The following TXNDC8 variants were observed in gnomAD, a reference collection of about 807,000 sequenced individuals.
The protein encoded by TXNDC8 is thioredoxin domain containing 8.
TXNDC8 carries 15 observed loss-of-function variants against 12.9 expected under a neutral mutation model. The observed-to-expected ratio is 1.16, with a 90% CI of 0.78 to 1.79. The LOEUF (loss-of-function observed/expected upper bound fraction) is 1.79, where lower values mean the gene tolerates loss of function less well. TXNDC8 is among the 40% of genes most tolerant of loss of function. The pLI, the probability that TXNDC8 is intolerant of heterozygous loss-of-function variation, is 0.00. For missense variants in TXNDC8, 128 were observed against 113.2 expected (o/e 1.13, Z -0.59); for synonymous variants, 40 against 35.4 (o/e 1.13, Z -0.46).
intron 3 of TXNDC8, chr9:110,324,060 A>C: frequency 6.5e-7 from 1 of 1,533,536 alleles, no homozygotes; most frequent in Admixed American, 2.0e-5. Flanking sequence ...GGAAAATCAG[A>C]GTACTATTAA....
chr9:110,308,636 C>T (rs761194541), intron 3 of TXNDC8, among the ~76,000 whole-genome samples: 7 of 151,982 alleles, frequency 4.6e-5, no homozygotes, highest in African/African-American at 9.7e-5. Context: ...AACAGAAAAC[C>T]ATGCACTTGG....
intron 3 of TXNDC8, among the ~76,000 whole-genome samples, chr9:110,313,322 A>G (rs1263527468): frequency 6.6e-6 from 1 of 152,222 alleles, no homozygotes; most frequent in East Asian, 1.9e-4. Context: ...AACTGAAGCT[A>G]GACAATTTAA....
chr9:110,334,066 G>A (rs150460959), intron 2 of TXNDC8, 150 bp downstream of exon 2: 465 of 561,314 alleles, frequency 8.3e-4, no homozygotes, highest in East Asian at 4.7e-3. Context: ...ATTAGATCTC[G>A]GTATATTATC....
At chr9:110,316,671 C>T (rs915575512) in intron 3 of TXNDC8, among the ~76,000 whole-genome samples, 1 of 152,160 alleles carries the variant, frequency 6.6e-6, no homozygotes, top group Non-Finnish European at 1.5e-5. Flanking sequence ...TCTAATAGTG[C>T]GATACCAGCA....
At chr9:110,317,555 C>T (rs1587967715) in intron 3 of TXNDC8, among the ~76,000 whole-genome samples, 1 of 152,334 alleles carries the variant, frequency 6.6e-6, no homozygotes, top group African/African-American at 2.4e-5. Flanking sequence ...ATACTATAGC[C>T]TCACTTTTGG....
downstream of TXNDC8, among the ~76,000 whole-genome samples, chr9:110,303,019 A>G (rs1255373052): frequency 6.6e-6 from 1 of 152,092 alleles, no homozygotes; most frequent in Non-Finnish European, 1.5e-5. Context: ...AGCCGAGATC[A>G]TGCCACTGCA....
intron 3 of TXNDC8, among the ~76,000 whole-genome samples, chr9:110,305,708 CTTCTTTTTCT>C (rs1210831645): frequency 7.4e-6 from 1 of 135,432 alleles, no homozygotes; most frequent in African/African-American, 2.7e-5. Context: ...TATATCTTTC[CTTCTTTTTCT>C]TTCTTTCTTT....
chr9:110,332,187 G>A (rs1839573396), intron 2 of TXNDC8, among the ~76,000 whole-genome samples: 1 of 152,152 alleles, frequency 6.6e-6, no homozygotes. Context: ...GGTAGGACCT[G>A]TCAGAAACTA....
intron 3 of TXNDC8, among the ~76,000 whole-genome samples, chr9:110,304,737 G>A (rs1244973508): frequency 1.3e-5 from 2 of 152,156 alleles, no homozygotes; most frequent in Non-Finnish European, 2.9e-5. Context: ...CAAAATCTGA[G>A]GTCAGAACTC....
intron 1 of TXNDC8, among the ~76,000 whole-genome samples, chr9:110,336,770 G>T (rs1383239019): frequency 2.6e-5 from 4 of 152,080 alleles, no homozygotes; most frequent in Non-Finnish European, 4.4e-5. Flanking sequence ...AAAATAAAAA[G>T]AAAATGAAGT....
chr9:110,307,968 T>C (rs1838525282), intron 3 of TXNDC8, among the ~76,000 whole-genome samples: 1 of 152,180 alleles, frequency 6.6e-6, no homozygotes, highest in African/African-American at 2.4e-5. Flanking sequence ...AAATAAACTT[T>C]CTAAATTAAC....
intron 2 of TXNDC8, among the ~76,000 whole-genome samples, chr9:110,332,624 T>C (rs1839588024): frequency 6.6e-6 from 1 of 152,112 alleles, no homozygotes; most frequent in South Asian, 2.1e-4. Context: ...CATAAAAACA[T>C]GTAAAGTTTT....
At chr9:110,304,717 TG>T (rs1358400624) in intron 3 of TXNDC8, among the ~76,000 whole-genome samples, 185 bp from the exon 5 acceptor site, 1 of 152,190 alleles carries the variant, frequency 6.6e-6, no homozygotes, top group African/African-American at 2.4e-5. Flanking sequence ...GGGAGGTTCA[TG>T]ATCCTCTGCA....
At chr9:110,327,329 T>A (rs1178405030) in intron 2 of TXNDC8, among the ~76,000 whole-genome samples, 4 of 151,710 alleles carry the variant, frequency 2.6e-5, no homozygotes, top group African/African-American at 9.7e-5. Context: ...ACTATATATT[T>A]TTTTTTTTTT....
rs906937177 is a variant in TXNDC8 at position 110,323,594 on chromosome 9, G to T, written c.195+2581C>A. 1.5e-5 allele frequency: 4 copies of T among 260,912 alleles called. No individual in the cohort carries two copies. The Admixed American group carries it at 2.2e-4, about 14-fold the overall frequency. The allele number at this position is 260,912 out of a possible 1,614,324, so 16.2% of individuals were successfully genotyped here. A position where few individuals can be genotyped will look rare whatever the true frequency, so the allele number is the denominator to read the frequency against. Reference sequence around the variant, plus strand: ...TTACACCATGAAATGAAGGAGAGTAGCCTGGGAGAACACCAGATATGTTCA... The same window carrying T: ...TTACACCATGAAATGAAGGAGAGTATCCTGGGAGAACACCAGATATGTTCA... On this transcript the variant is annotated intron_variant, in intron 3 of 4. Coordinates refer to ENST00000423740, the MANE Select transcript of TXNDC8 (RefSeq NM_001286946.2).
intron 1 of TXNDC8, among the ~76,000 whole-genome samples, chr9:110,336,427 A>G (rs928325309): frequency 2.6e-5 from 4 of 152,156 alleles, no homozygotes; most frequent in African/African-American, 9.7e-5. Flanking sequence ...TGTAAGGTAG[A>G]TGCTATCCTC....
intron 3 of TXNDC8, 145 bp downstream of exon 4, chr9:110,326,030 A>G: frequency 1.3e-6 from 1 of 779,922 alleles, no homozygotes; most frequent in Non-Finnish European, 2.1e-6. Context: ...TGTAAAGTAC[A>G]ACATACTTGT....
intron 2 of TXNDC8, 90 bp downstream of exon 3, chr9:110,329,142 G>T: frequency 1.9e-6 from 2 of 1,064,332 alleles, no homozygotes. Context: ...ATTTTAAATT[G>T]GTCATGTATT....
downstream of TXNDC8, among the ~76,000 whole-genome samples, chr9:110,301,742 A>G (rs1838274467): frequency 6.6e-6 from 1 of 152,206 alleles, no homozygotes; most frequent in African/African-American, 2.4e-5. Flanking sequence ...AGCAGAGGAC[A>G]GGAATACTTG....
Sources: gnomAD v4.1 joint callset for allele counts (sites outside exome capture counted in the v4.1 genomes callset) on GRCh38, gnomAD v4.1.1 for gene constraint, MANE v1.5 for transcripts, NCBI Gene and HGNC (gene_info 2026-07-23, HGNC 2026-07-21) for gene names.